Variants in TSPAN13 observed in about 807,000 individuals in gnomAD.
TSPAN13 encodes the protein tetraspanin 13, also known as tetraspanin-13.
In TSPAN13, 18 loss-of-function variants were observed where a neutral mutation model predicts 26.9. The ratio of observed to expected loss-of-function variants is 0.67; its 90% CI spans 0.46 to 0.99. The LOEUF (loss-of-function observed/expected upper bound fraction) is 0.99, where lower values mean the gene tolerates loss of function less well. TSPAN13 is among the 50% of genes least tolerant of loss of function. TSPAN13 has a pLI of 0.00. For missense variants in TSPAN13, 201 were observed against 249.6 expected, an observed-to-expected ratio of 0.81 and a Z score of 1.31; for synonymous variants, 116 against 98.4, an observed-to-expected ratio of 1.18 and a Z score of -1.06.
intron 1 of TSPAN13, among the ~76,000 whole-genome samples, chr7:16,770,661 T>A (rs1562519312): frequency 6.6e-6 from 1 of 152,230 alleles, no homozygotes; most frequent in Non-Finnish European, 1.5e-5. Flanking sequence ...ATTTTGTGAT[T>A]TTTTGATTGG....
intron 1 of TSPAN13, among the ~76,000 whole-genome samples, chr7:16,773,628 G>A (rs1336683779): frequency 6.6e-6 from 1 of 152,174 alleles, no homozygotes; most frequent in Admixed American, 6.5e-5. Context: ...TCAAGTACTT[G>A]TCGGTGAATA....
chr7:16,756,816 T>C (rs1784485347), intron 1 of TSPAN13, among the ~76,000 whole-genome samples: 1 of 152,178 alleles, frequency 6.6e-6, no homozygotes, highest in African/African-American at 2.4e-5. Flanking sequence ...TTAAAGAAAC[T>C]TTCAGTTTCT....
intron 1 of TSPAN13, among the ~76,000 whole-genome samples, chr7:16,759,267 G>C (rs1321313999): frequency 2.0e-5 from 3 of 152,156 alleles, no homozygotes; most frequent in African/African-American, 7.2e-5. Context: ...GGTTTAATTG[G>C]CTCATGGTTC....
intron 1 of TSPAN13, among the ~76,000 whole-genome samples, chr7:16,769,781 C>T (rs1350296066): frequency 6.6e-6 from 1 of 152,074 alleles, no homozygotes; most frequent in East Asian, 1.9e-4. Context: ...TGTCTAAAAC[C>T]CCACCACAAT....
At chr7:16,773,026 A>C (rs1173062939) in intron 1 of TSPAN13, among the ~76,000 whole-genome samples, 1 of 151,978 alleles carries the variant, frequency 6.6e-6, no homozygotes, top group Non-Finnish European at 1.5e-5. Flanking sequence ...AAAATAAATA[A>C]ATAATAAATA....
chr7:16,758,114 C>G (rs1784502734), intron 1 of TSPAN13, among the ~76,000 whole-genome samples: 1 of 152,046 alleles, frequency 6.6e-6, no homozygotes, highest in African/African-American at 2.4e-5. Flanking sequence ...GGATTACAAG[C>G]ATGAGCACTT....
chr7:16,758,146 G>C (rs552061086), intron 1 of TSPAN13, among the ~76,000 whole-genome samples: 1 of 151,942 alleles, frequency 6.6e-6, no homozygotes, highest in Non-Finnish European at 1.5e-5. Context: ...AAATGCTCCC[G>C]GCCTGGGATG....
intron 1 of TSPAN13, among the ~76,000 whole-genome samples, chr7:16,772,953 G>T (rs949574224): frequency 1.3e-5 from 2 of 152,000 alleles, no homozygotes; most frequent in African/African-American, 4.8e-5. Flanking sequence ...CCGAAATTGC[G>T]CCACTGCACT....
intron 1 of TSPAN13, among the ~76,000 whole-genome samples, chr7:16,756,907 G>A (rs818806): frequency 6.6e-6 from 1 of 152,132 alleles, no homozygotes; most frequent in South Asian, 2.1e-4. Context: ...CAAACAGGGC[G>A]TAAAAATCAA....
rs183934101 is a variant in TSPAN13 at position 16,783,000 on chromosome 7, C to T, written c.541-417C>T. On this transcript the variant is annotated intron_variant, in intron 5 of 5. Transcript: ENST00000262067. ...TCTTTCTATTTCCCTTTACTTCTGC[C>T]ATCACGGTGTCTTCTCTCCATGTTT... Among the ~76,000 whole-genome samples, 270 of 152,258 alleles carry T rather than the reference C, an allele frequency of 1.8e-3. 2 individuals are homozygous for T. The highest frequency in any genetic ancestry group is 5.2e-3 in the South Asian group (25 of 4,828).
intron 1 of TSPAN13, among the ~76,000 whole-genome samples, chr7:16,766,467 T>C (rs1784603799): frequency 6.6e-6 from 1 of 152,228 alleles, no homozygotes; most frequent in Non-Finnish European, 1.5e-5. Flanking sequence ...GGCAGTGTCT[T>C]GGTTCACTTT....
intron 1 of TSPAN13, among the ~76,000 whole-genome samples, chr7:16,765,305 G>C (rs1449927713): frequency 6.6e-6 from 1 of 152,016 alleles, no homozygotes; most frequent in African/African-American, 2.4e-5. Context: ...GTCTCCCCAT[G>C]TTGCCCAGGC....
chr7:16,763,076 G>T (rs1341281397), intron 1 of TSPAN13, among the ~76,000 whole-genome samples: 1 of 152,016 alleles, frequency 6.6e-6, no homozygotes, highest in Non-Finnish European at 1.5e-5. Context: ...CCTGCTCAGC[G>T]GTAAAACTTA....
chr7:16,766,338 A>G (rs1256748356), intron 1 of TSPAN13, among the ~76,000 whole-genome samples: 1 of 152,204 alleles, frequency 6.6e-6, no homozygotes, highest in Non-Finnish European at 1.5e-5. Flanking sequence ...TTTGGATTGG[A>G]CAGTTGATTC....
Position 16,783,716 on chromosome 7 carries a change from A to G in TSPAN13, c.*225A>G, listed in dbSNP as rs529471830. 3 of 553,604 alleles carry G rather than the reference A, an allele frequency of 5.4e-6. No individual in the cohort carries two copies. The highest frequency in any genetic ancestry group is 9.6e-6 in the Non-Finnish European group (3 of 311,900). The allele number at this position is 553,604 out of a possible 1,614,324, so 34.3% of individuals were successfully genotyped here. On this transcript the variant is annotated 3_prime_UTR_variant, in exon 6 of 6. Coordinates refer to ENST00000262067, the MANE Select transcript of TSPAN13 (RefSeq NM_014399.4). ...GTCTCTGAAGCTCGGTGGCACCTGG[A>G]ATTTACTGTATTCATTGTCGGGCAC...
chr7:16,779,517 T>TTA (rs974533763), intron 5 of TSPAN13, among the ~76,000 whole-genome samples: 2 of 152,006 alleles, frequency 1.3e-5, no homozygotes, highest in Non-Finnish European at 2.9e-5. Flanking sequence ...ATATATCTTT[T>TTA]TATATATATC....
intron 1 of TSPAN13, among the ~76,000 whole-genome samples, chr7:16,756,376 A>G (rs1311910244): frequency 6.6e-6 from 1 of 152,198 alleles, no homozygotes; most frequent in Admixed American, 6.5e-5. Flanking sequence ...GGTCATTTCT[A>G]AAAGTGTTGG....
At chr7:16,775,852 G>A (rs993462951) in intron 1 of TSPAN13, 2 of 175,906 alleles carry the variant, frequency 1.1e-5, no homozygotes, top group African/African-American at 4.7e-5. Flanking sequence ...AGATCAATAT[G>A]TTGGACCGAG....
At chr7:16,754,983 A>G (rs904142770) in intron 1 of TSPAN13, among the ~76,000 whole-genome samples, 4 of 152,230 alleles carry the variant, frequency 2.6e-5, no homozygotes, top group African/African-American at 4.8e-5. Flanking sequence ...GTAAGTTTAC[A>G]TAGCTGGTAG....
Sources: gnomAD v4.1 joint callset for allele counts (sites outside exome capture counted in the v4.1 genomes callset) on GRCh38, gnomAD v4.1.1 for gene constraint, MANE v1.5 for transcripts, NCBI Gene and HGNC (gene_info 2026-07-23, HGNC 2026-07-21) for gene names.